The following MINPP1 variants were observed in gnomAD, a reference collection of about 807,000 sequenced individuals.
MINPP1 encodes multiple inositol polyphosphate phosphatase 1.
A neutral mutation model predicts 46.1 loss-of-function variants in MINPP1; 28 were observed. The ratio of observed to expected loss-of-function variants is 0.61; its 90% confidence interval spans 0.45 to 0.83. MINPP1 has a LOEUF of 0.83. MINPP1 is among the 40% of genes least tolerant of loss of function. The probability of loss-of-function intolerance (pLI) is 0.00; values close to 1 mark genes in which losing one functional copy is unlikely to be tolerated. For missense variants in MINPP1, 603 were observed against 610.0 expected (o/e 0.99, Z 0.12); for synonymous variants, 268 against 249.1 (o/e 1.08, Z -0.72).
intron 4 of MINPP1, among the ~76,000 whole-genome samples, chr10:87,532,145 A>G (rs924579905): frequency 6.6e-6 from 1 of 152,230 alleles, no homozygotes; most frequent in East Asian, 1.9e-4. Context: ...TAATGAAAAC[A>G]AGAGCTTTGT....
intron 4 of MINPP1, among the ~76,000 whole-genome samples, chr10:87,530,348 C>T (rs981307288): frequency 5.3e-5 from 8 of 152,184 alleles, no homozygotes; most frequent in African/African-American, 1.9e-4. Flanking sequence ...GTGGTTTCAT[C>T]TACCTTTGGT....
At position 87,530,744 on chromosome 10, in the gene MINPP1, G is replaced by A. The variant is rs961286996; in HGVS notation, c.1067+9575G>A. On this transcript the variant is annotated intron_variant, in intron 4 of 4. Transcript: ENST00000371996. ...CTCTTCAAAGCTGTCAGACAGGGAC[G>A]TTTAAGTCTGCAGAAGTTTCTGCTG... Among the ~76,000 whole-genome samples the A allele has an allele frequency of 1.8e-4, 27 of 152,220 alleles. 1 individual carries two copies. Among genetic ancestry groups the A allele is most frequent in the Non-Finnish European group, 4.4e-5 (3 of 68,040 alleles).
At chr10:87,509,434 C>G (rs893165870) in intron 2 of MINPP1, among the ~76,000 whole-genome samples, 1 of 152,146 alleles carries the variant, frequency 6.6e-6, no homozygotes, top group Non-Finnish European at 1.5e-5. Flanking sequence ...ACATTGGCAT[C>G]GCCTGTGGAG....
chr10:87,516,829 T>C (rs563790415), intron 3 of MINPP1, among the ~76,000 whole-genome samples: 1 of 152,058 alleles, frequency 6.6e-6, no homozygotes, highest in East Asian at 1.9e-4. Flanking sequence ...ATTTTTGCTT[T>C]CAATTTTTTC....
At chr10:87,521,289 A>G (rs1851497716) in intron 4 of MINPP1, 120 bp downstream of exon 4, 4 of 731,642 alleles carry the variant, frequency 5.5e-6, no homozygotes, top group Non-Finnish European at 7.0e-6. Flanking sequence ...AAATTTTAAT[A>G]TAATGTGATA....
intron 4 of MINPP1, among the ~76,000 whole-genome samples, chr10:87,551,207 A>G (rs1851958425): frequency 6.6e-6 from 1 of 152,018 alleles, no homozygotes; most frequent in South Asian, 2.1e-4. Flanking sequence ...GGGCAGAGGG[A>G]ATCAGGAAGG....
Position 87,505,069 on chromosome 10 carries a change from C to T in MINPP1, c.154C>T (p.Arg52Cys), listed in dbSNP as rs757948877. The T allele has an allele frequency of 6.2e-7, 1 of 1,613,584 alleles. No homozygotes were observed. Among genetic ancestry groups the T allele is most frequent in the Non-Finnish European group, 8.5e-7 (1 of 1,179,924 alleles). Residue 52 changes from arginine to cysteine, a missense_variant, in exon 1 of 5, where the codon CGC becomes TGC. Arg to Cys is a radical substitution (Grantham distance 180). This residue lies in a region of MINPP1 where 239 missense variants were observed against 189.4 expected (regional missense o/e 1.26). Transcript: ENST00000371996. This position sits in a 1 kb window ranked among gnomAD's most constrained non-coding sequence, Gnocchi z 4.4. ...CAGCCCCTATTTCGGCACCAAGACT[C>T]GCTACGAGGATGTCAACCCCGTGCT... ...SLSPYFGTKT[R>C]YEDVNPVLLS...
intron 3 of MINPP1, among the ~76,000 whole-genome samples, chr10:87,518,962 C>G (rs535142114): frequency 1.1e-4 from 17 of 152,026 alleles, no homozygotes; most frequent in African/African-American, 2.4e-5. Context: ...AGTATTCCTT[C>G]CCCCCAGGAT....
intron 4 of MINPP1, among the ~76,000 whole-genome samples, chr10:87,534,934 T>C (rs1034055609): frequency 6.6e-6 from 1 of 152,226 alleles, no homozygotes; most frequent in Admixed American, 6.5e-5. Flanking sequence ...AAGCAGTTTT[T>C]GAGCACATAC....
Position 87,513,139 on chromosome 10 carries a change from C to T in MINPP1, c.851C>T (p.Ala284Val), listed in dbSNP as rs748636033. ...NDLNADLIQV[A>V]FFTCSFDLAI... is the part of the protein sequence containing the mutation. ...TTCCCCCCAGATTTAATTCAAGTAG[C>T]CTTTTTCACCTGTTCATTTGACCTG... The change falls in exon 3 of 5, where the codon GCC becomes GTC. Residue 284 changes from alanine to valine, a missense_variant. Physicochemically the swap from Ala to Val is moderately conservative, Grantham distance 64. This residue lies in a region of MINPP1 where 344 missense variants were observed against 381.1 expected (regional missense o/e 0.90). Transcript: ENST00000371996. 1 of 1,613,576 alleles carries T rather than the reference C, an allele frequency of 6.2e-7. No individual in the cohort carries two copies. The highest frequency in any genetic ancestry group is 8.5e-7 in the Non-Finnish European group (1 of 1,179,658).
chr10:87,533,764 A>G (rs997377124), intron 4 of MINPP1, among the ~76,000 whole-genome samples: 1 of 152,008 alleles, frequency 6.6e-6, no homozygotes, highest in Admixed American at 6.6e-5. Flanking sequence ...TTCATAGTCT[A>G]TAAGGTATGG....
intron 3 of MINPP1, 52 bp from the exon 4 acceptor site, chr10:87,520,984 A>C (rs1851492576): frequency 1.4e-6 from 1 of 739,736 alleles, no homozygotes; most frequent in South Asian, 1.7e-5. Flanking sequence ...AAATCAGGGA[A>C]TCTTGTTATA....
rs182213798 is a variant in MINPP1 at position 87,512,953 on chromosome 10, A to G, written c.836-171A>G. On this transcript the variant is annotated intron_variant, in intron 2 of 4. Transcript: ENST00000371996. Reference sequence around the variant, plus strand: ...AGTTCTGCACCCTTAAATTACACAGAGAAAGTCTCTTAATTCTTTGATAGC... The same window carrying G: ...AGTTCTGCACCCTTAAATTACACAGGGAAAGTCTCTTAATTCTTTGATAGC... 1.2e-4 allele frequency among the ~76,000 whole-genome samples: 19 copies of G among 152,342 alleles called. No individual in the cohort carries two copies. The East Asian group carries it at 2.5e-3, about 20-fold the overall frequency.
chr10:87,506,678 C>T (rs1464501375), intron 1 of MINPP1, among the ~76,000 whole-genome samples: 2 of 152,148 alleles, frequency 1.3e-5, no homozygotes, highest in African/African-American at 4.8e-5. Context: ...TTTTGTACCA[C>T]AGAGATGAGC....
intron 4 of MINPP1, among the ~76,000 whole-genome samples, chr10:87,523,517 ATTTT>A (rs57091221): frequency 7.1e-6 from 1 of 141,058 alleles, no homozygotes. Flanking sequence ...CACCCAGCTA[ATTTT>A]TTTTTTTTTT....
chr10:87,524,771 C>T (rs190257471), intron 4 of MINPP1, among the ~76,000 whole-genome samples: 7 of 151,938 alleles, frequency 4.6e-5, no homozygotes, highest in African/African-American at 7.3e-5. Flanking sequence ...AATGGCTGGT[C>T]GGTGGAGCAG....
rs138411762 is a variant in MINPP1, at chr10:87,534,990, T to G, written c.1067+13821T>G. ...GGCATTGGGAATACATAAACATGGA[T>G]AAGAAGTTATACCCGCTACATCCAA... On this transcript the variant is annotated intron_variant, in intron 4 of 4. Coordinates refer to ENST00000371996, the MANE Select transcript of MINPP1 (RefSeq NM_004897.5). Among the ~76,000 whole-genome samples, 244 of 152,366 alleles carry G rather than the reference T, an allele frequency of 1.6e-3. 5 individuals carry two copies. In the East Asian group the frequency reaches 0.04, roughly 25 times the overall value.
At chr10:87,539,715 G>A (rs573765383) in intron 4 of MINPP1, among the ~76,000 whole-genome samples, 3 of 152,208 alleles carry the variant, frequency 2.0e-5, no homozygotes, top group Non-Finnish European at 2.9e-5. Context: ...AGTTTTTATG[G>A]ACCACATGCC....
intron 4 of MINPP1, among the ~76,000 whole-genome samples, chr10:87,551,102 G>A (rs1851956560): frequency 6.6e-6 from 1 of 151,916 alleles, no homozygotes; most frequent in Admixed American, 6.6e-5. Context: ...TACTTGGAGT[G>A]GTTCATAGAG....
Sources: gnomAD v4.1 joint callset for allele counts (sites outside exome capture counted in the v4.1 genomes callset) on GRCh38, gnomAD v4.1.1 for gene constraint, gnomAD v4.1.1 regional missense constraint, Gnocchi (gnomAD v3.1) non-coding constraint, MANE v1.5 for transcripts, NCBI Gene and HGNC (gene_info 2026-07-23, HGNC 2026-07-21) for gene names.